Variants in CACNA1C observed in about 807,000 individuals in gnomAD.
CACNA1C encodes calcium voltage-gated channel subunit alpha1 C, also known as voltage-dependent L-type calcium channel subunit alpha-1C.
A neutral mutation model predicts 229.0 loss-of-function variants in CACNA1C; 30 were observed. That is an observed-to-expected ratio of 0.13 (90% CI 0.10 to 0.18). The LOEUF (loss-of-function observed/expected upper bound fraction) is 0.18. CACNA1C is among the 10% of genes least tolerant of loss of function. The pLI is 1.00. For synonymous variants in CACNA1C, 1,114 were observed against 1,132.5 expected (o/e 0.98, Z 0.33); for missense variants, 1,658 against 2,845.0 (o/e 0.58, Z 9.49).
chr12:2,310,144 A>G (rs1448259991), intron 3 of CACNA1C, among the ~76,000 whole-genome samples: 2 of 152,098 alleles, frequency 1.3e-5, no homozygotes, highest in African/African-American at 4.8e-5. Context: ...TAGCTCATTT[A>G]ACCCTTTAAC....
Position 2,369,449 on chromosome 12 carries a change from A to T in CACNA1C, c.478-79527A>T, listed in dbSNP as rs1306577511. On this transcript the variant is annotated intron_variant, in intron 3 of 46. Transcript: ENST00000399655. ...AGTCTCGCTCTGTTGCCCAGGCTGG[A>T]GTGCAGTGGCGCAATCTTGGCTCAC... is the stretch of plus-strand genomic sequence containing the variant. Among the ~76,000 whole-genome samples the T allele has an allele frequency of 9.4e-5, 14 of 148,270 alleles. No individual in the cohort carries two copies. In the Admixed American group the frequency reaches 9.7e-4, roughly 10 times the overall value.
chr12:2,360,178 CA>C (rs1247496105), intron 3 of CACNA1C, among the ~76,000 whole-genome samples: 137 of 101,312 alleles, frequency 1.4e-3, no homozygotes, highest in African/African-American at 6.6e-3. Flanking sequence ...CCCCCCACCC[CA>C]CACACACACA....
In CACNA1C at chr12:1,971,091, C is replaced by T. The variant is rs1200454267; in HGVS notation, c.29C>T (p.Thr10Met). ...CTTCGAGCCTTTGTTCAGCCTGGTA[C>T]GCCTGCATACCAGCCGCTTCCCAGC... The change falls in exon 1 of 47, where the codon ACG becomes ATG. Residue 10 changes from threonine (T) to methionine (M), a missense_variant. Transcript: ENST00000682462. The surrounding 1 kb of genome is among the most constrained non-coding windows in gnomAD (Gnocchi z 4.2). 12 of 1,288,670 alleles carry T rather than the reference C, an allele frequency of 9.3e-6. No individual in the cohort carries two copies. The highest frequency in any genetic ancestry group is 1.2e-5 in the Non-Finnish European group (12 of 987,862). The allele number at this position is 1,288,670 out of a possible 1,614,324, so 79.8% of individuals were successfully genotyped here. A position where few individuals can be genotyped will look rare whatever the true frequency, so the allele number is the denominator to read the frequency against.
At chr12:2,288,670 C>T (rs1388059535) in intron 3 of CACNA1C, 1 of 152,128 alleles carries the variant, frequency 6.6e-6, no homozygotes, top group African/African-American at 2.4e-5. Flanking sequence ...TCCCTCAGGA[C>T]CACCCACCGC....
chr12:1,985,726 T>C (rs1395420310), intron 1 of CACNA1C, among the ~76,000 whole-genome samples: 1 of 152,218 alleles, frequency 6.6e-6, no homozygotes, highest in African/African-American at 2.4e-5. Flanking sequence ...CTTTGTATAT[T>C]TGAGAAAGCA....
At chr12:2,263,240 G>A (rs900379658) in intron 3 of CACNA1C, among the ~76,000 whole-genome samples, 6 of 151,434 alleles carry the variant, frequency 4.0e-5, no homozygotes, top group African/African-American at 1.5e-4. Context: ...AGCGTGTCTG[G>A]GAGCAGGAGG....
chr12:2,001,430 G>C (rs1187971925), intron 1 of CACNA1C, among the ~76,000 whole-genome samples: 1 of 152,110 alleles, frequency 6.6e-6, no homozygotes, highest in Non-Finnish European at 1.5e-5. Flanking sequence ...AAAGAAATAA[G>C]CAATTCAGAA....
At chr12:2,236,338 G>A (rs1348861641) in intron 3 of CACNA1C, among the ~76,000 whole-genome samples, 1 of 152,214 alleles carries the variant, frequency 6.6e-6, no homozygotes, top group Non-Finnish European at 1.5e-5. Flanking sequence ...CAGTGCTGTA[G>A]TAGACTACTA....
intron 3 of CACNA1C, among the ~76,000 whole-genome samples, chr12:2,382,344 C>G (rs958685920): frequency 5.9e-5 from 9 of 152,180 alleles, no homozygotes; most frequent in Admixed American, 3.3e-4. Context: ...AACATATTAT[C>G]AAAGAAGCAT....
chr12:2,378,528 C>T (rs1002482243), intron 3 of CACNA1C, among the ~76,000 whole-genome samples: 2 of 152,218 alleles, frequency 1.3e-5, no homozygotes, highest in African/African-American at 4.8e-5. Context: ...AGCACAGGCC[C>T]ATGGGAGCCA....
chr12:2,669,004 G>C lies in CACNA1C; in HGVS notation c.4695G>C (p.Leu1565=), dbSNP rs756665881. Residue 1565 remains leucine (L), a synonymous_variant, in exon 38 of 47, where the codon CTG becomes CTC. Transcript: ENST00000399655. ...TGTTCAATGCCACCCTGTTTGCCCT[G>C]GTCAGGACGGCCCTGAGGATCAAAA... ...TVMFNATLFA[L]VRTALRIKTE... 6.2e-7 allele frequency: 1 copy of C among 1,613,952 alleles called. No individual in the cohort carries two copies. Among genetic ancestry groups the C allele is most frequent in the South Asian group, 1.1e-5 (1 of 91,084 alleles).
In CACNA1C at chr12:2,608,687, A is replaced by G; in HGVS notation, c.3533A>G (p.Lys1178Arg). 2 of 1,614,162 alleles carry G rather than the reference A, an allele frequency of 1.2e-6. No homozygotes were observed. Among genetic ancestry groups the G allele is most frequent in the Non-Finnish European group, 1.7e-6 (2 of 1,180,006 alleles). The part of the protein sequence containing the change: ...TFQEQGEQEY[K>R]NCELDKNQRQ... ...CAGGAGCAGGGGGAGCAGGAGTACA[A>G]GAACTGTGAGCTGGACAAGAACCAG... The change falls in exon 27 of 47, where the codon AAG becomes AGG. Residue 1178 changes from lysine to arginine, a missense_variant. Coordinates refer to ENST00000399655, the MANE Select transcript of CACNA1C (RefSeq NM_000719.7). The surrounding 1 kb of genome is among the most constrained non-coding windows in gnomAD (Gnocchi z 4.2).
chr12:2,435,255 C>G (rs1432761543), intron 3 of CACNA1C, among the ~76,000 whole-genome samples: 1 of 152,234 alleles, frequency 6.6e-6, no homozygotes, highest in Non-Finnish European at 1.5e-5. Context: ...GACCACCAGC[C>G]CCAGCAATCG....
At chr12:2,669,282 A>G (rs182219131) in intron 38 of CACNA1C, among the ~76,000 whole-genome samples, 3 of 152,132 alleles carry the variant, frequency 2.0e-5, no homozygotes, top group African/African-American at 7.2e-5. Context: ...TCTGGGCCAC[A>G]TTGGAAGAAT....
At position 2,605,741 on chromosome 12, in the gene CACNA1C, C is replaced by T. The variant is rs1057520903; in HGVS notation, c.3111C>T (p.Thr1037=). 2 of 1,613,948 alleles carry T rather than the reference C, an allele frequency of 1.2e-6. No individual in the cohort carries two copies. The highest frequency in any genetic ancestry group is 8.5e-7 in the Non-Finnish European group (1 of 1,179,938). The stretch of plus-strand genomic sequence containing the variant: ...TCGGGAACATCGTGATTGTCACCAC[C>T]CTGCTGCAGTTCATGTTTGCCTGCA... ...RTIGNIVIVT[T]LLQFMFACIG... is the part of the protein sequence containing the mutation. The change falls in exon 24 of 47, where the codon ACC becomes ACT. Residue 1037 remains threonine (T), a synonymous_variant. Transcript: ENST00000399655. This position sits in a 1 kb window ranked among gnomAD's most constrained non-coding sequence, Gnocchi z 6.2.
At chr12:2,091,155 G>A (rs1014610484) in intron 1 of CACNA1C, among the ~76,000 whole-genome samples, 3 of 152,214 alleles carry the variant, frequency 2.0e-5, no homozygotes, top group Admixed American at 6.5e-5. Flanking sequence ...CACCAGCAGA[G>A]GCATAGGGCA....
intron 3 of CACNA1C, among the ~76,000 whole-genome samples, chr12:2,360,180 C>CG (rs2097524347): frequency 8.1e-6 from 1 of 122,810 alleles, no homozygotes; most frequent in Admixed American, 8.0e-5. Context: ...CCCCACCCCA[C>CG]ACACACACAC....
Position 2,633,767 on chromosome 12 carries a change from C to A in CACNA1C, c.3829-530C>A. 1 of 936,576 alleles carries A rather than the reference C, an allele frequency of 1.1e-6. No individual in the cohort carries two copies. The highest frequency in any genetic ancestry group is 1.8e-6 in the Non-Finnish European group (1 of 569,870). The allele number at this position is 936,576 out of a possible 1,614,324, so 58.0% of individuals were successfully genotyped here. A position where few individuals can be genotyped will look rare whatever the true frequency, so the allele number is the denominator to read the frequency against. On this transcript the variant is annotated intron_variant, in intron 29 of 46. Coordinates refer to ENST00000399655, the MANE Select transcript of CACNA1C (RefSeq NM_000719.7). The surrounding 1 kb of genome is among the most constrained non-coding windows in gnomAD (Gnocchi z 5.8). The stretch of plus-strand genomic sequence containing the variant: ...CCTCCTCATTCCTCCTCCTCTGCCT[C>A]GTCTATTTCTCTCTCTCTCACTCTC...
chr12:2,539,126 T>C (rs987855189), intron 9 of CACNA1C, among the ~76,000 whole-genome samples: 5 of 152,224 alleles, frequency 3.3e-5, no homozygotes, highest in African/African-American at 1.2e-4. Context: ...GGGATAATAA[T>C]ATCTACCTTG....
Sources: gnomAD v4.1 joint callset for allele counts (sites outside exome capture counted in the v4.1 genomes callset) on GRCh38, gnomAD v4.1.1 for gene constraint, Gnocchi (gnomAD v3.1) non-coding constraint, MANE v1.5 for transcripts, NCBI Gene and HGNC (gene_info 2026-07-23, HGNC 2026-07-21) for gene names.